TRPM3: variants seen among roughly 807,000 people sequenced by gnomAD.
TRPM3 encodes long transient receptor potential channel 3.
TRPM3 carries 77 observed loss-of-function variants against 181.2 expected under a neutral mutation model. The ratio of observed to expected loss-of-function variants is 0.42; its 90% CI spans 0.35 to 0.51. The LOEUF is 0.51. Among genes scored for constraint, TRPM3 ranks in the 20% least tolerant of loss-of-function variants. TRPM3 has a pLI of 0.01. For synonymous variants in TRPM3, 745 were observed against 796.4 expected (o/e 0.94, Z 1.09); for missense variants, 1,759 against 2,196.7 (o/e 0.80, Z 3.98).
chr9:71,092,228 A>G (rs1273067399), intron 1 of TRPM3, among the ~76,000 whole-genome samples: 1 of 152,174 alleles, frequency 6.6e-6, no homozygotes, highest in East Asian at 1.9e-4. Flanking sequence ...TGGCTGTAAA[A>G]TGGGAGCACC....
At chr9:70,688,338 G>T (rs192434849) in intron 8 of TRPM3, among the ~76,000 whole-genome samples, 11 of 152,096 alleles carry the variant, frequency 7.2e-5, no homozygotes, top group African/African-American at 1.2e-4. Flanking sequence ...AGTACAGGTG[G>T]CCTTTGGTTA....
intron 1 of TRPM3, among the ~76,000 whole-genome samples, chr9:71,425,111 CT>C (rs757646903): frequency 6.6e-4 from 93 of 141,116 alleles, no homozygotes; most frequent in Non-Finnish European, 9.4e-4. Flanking sequence ...TCTGGTTTTT[CT>C]TTTTCTATTT....
At chr9:70,551,346 C>T (rs1253971315) in intron 24 of TRPM3, among the ~76,000 whole-genome samples, 4 of 152,198 alleles carry the variant, frequency 2.6e-5, no homozygotes, top group Non-Finnish European at 5.9e-5. Flanking sequence ...GCACTAAAAT[C>T]TTTCTTCTCT....
chr9:70,630,248 G>C (rs2065558779), intron 12 of TRPM3, among the ~76,000 whole-genome samples: 1 of 152,198 alleles, frequency 6.6e-6, no homozygotes, highest in Non-Finnish European at 1.5e-5. Flanking sequence ...TGTGAAAATA[G>C]GTGGCTTGGA....
At chr9:71,312,290 A>C (rs1331594147) in intron 1 of TRPM3, among the ~76,000 whole-genome samples, 2 of 152,174 alleles carry the variant, frequency 1.3e-5, no homozygotes, top group African/African-American at 4.8e-5. Context: ...ATGACAAACA[A>C]GCGTAAAGAT....
At position 70,878,057 on chromosome 9, in the gene TRPM3, G is replaced by A. The variant is rs560088691; in HGVS notation, c.178-13546C>T. Among the ~76,000 whole-genome samples, 20 of 151,988 alleles carry A rather than the reference G, an allele frequency of 1.3e-4. No homozygotes were observed. In the South Asian group the frequency reaches 2.3e-3, roughly 17 times the overall value. ...ACATTAAATACTGACTTGACTTGAG[G>A]CCACAATGTGTATATATCTTATCAC... is the stretch of plus-strand genomic sequence containing the variant. On this transcript the variant is annotated intron_variant, in intron 1 of 25. Transcript: ENST00000677713.
At chr9:70,883,137 C>G (rs970383162) in intron 1 of TRPM3, among the ~76,000 whole-genome samples, 2 of 152,188 alleles carry the variant, frequency 1.3e-5, no homozygotes, top group African/African-American at 4.8e-5. Flanking sequence ...CAGTACCTCT[C>G]TGACCACACG....
At chr9:71,438,351 T>C (rs1226210800) in intron 1 of TRPM3, among the ~76,000 whole-genome samples, 1 of 152,176 alleles carries the variant, frequency 6.6e-6, no homozygotes, top group African/African-American at 2.4e-5. Context: ...TTTTAAAATT[T>C]GATAATAGTG....
rs191579033 is a variant in TRPM3, at chr9:71,411,400, C to G, written c.183+35253G>C. ...TCCTTAAGCTGATAAGCAACTTCAG[C>G]AAAGTCTCAGGATACAAAATCAATG... On this transcript the variant is annotated intron_variant, in intron 1 of 24. Coordinates refer to the TRPM3 transcript ENST00000357533. Among the ~76,000 whole-genome samples the G allele has an allele frequency of 1.6e-4, 24 of 152,338 alleles. 1 individual carries two copies. In the East Asian group the frequency reaches 4.6e-3, roughly 29 times the overall value.
intron 9 of TRPM3, among the ~76,000 whole-genome samples, chr9:70,657,862 T>A (rs552816467): frequency 9.8e-4 from 149 of 152,196 alleles, no homozygotes; most frequent in African/African-American, 3.5e-3. Context: ...AGCTATTCAA[T>A]CCTCAAGGCC....
chr9:71,185,296 C>A (rs1439813885), intron 1 of TRPM3, among the ~76,000 whole-genome samples: 1 of 152,146 alleles, frequency 6.6e-6, no homozygotes, highest in Non-Finnish European at 1.5e-5. Flanking sequence ...CATTTCCACA[C>A]TTTTCTTCCC....
chr9:70,561,062 C>T (rs2048938373), intron 22 of TRPM3, among the ~76,000 whole-genome samples: 1 of 152,198 alleles, frequency 6.6e-6, no homozygotes, highest in African/African-American at 2.4e-5. Flanking sequence ...ATGCCCCTTC[C>T]TCTCCTGTCT....
chr9:71,432,582 A>G lies in TRPM3; in HGVS notation c.183+14071T>C, dbSNP rs116608441. Among the ~76,000 whole-genome samples, 960 of 152,256 alleles carry G rather than the reference A, an allele frequency of 6.3e-3. 13 individuals carry two copies. Among genetic ancestry groups the G allele is most frequent in the African/African-American group, 0.022 (917 of 41,560 alleles). Reference sequence around the variant, plus strand: ...TTGAATCATTATTGTTTATCTTTTAAGGAAAATTTAATTTCATTTAGTGTG... The same window carrying G: ...TTGAATCATTATTGTTTATCTTTTAGGGAAAATTTAATTTCATTTAGTGTG... On this transcript the variant is annotated intron_variant, in intron 1 of 24. Coordinates refer to the TRPM3 transcript ENST00000357533.
rs1422096593 is a variant in TRPM3 at position 70,535,291 on chromosome 9, A to C, written c.*662T>G. Reference sequence around the variant, plus strand: ...TTATTTTCTTCAAAAAAGGATAAACAGTTGTGGCACCAGAAGTGAATAGAT... The same window carrying C: ...TTATTTTCTTCAAAAAAGGATAAACCGTTGTGGCACCAGAAGTGAATAGAT... On this transcript the variant is annotated 3_prime_UTR_variant, in exon 26 of 26. Transcript: ENST00000677713. 1.1e-6 allele frequency: 1 copy of C among 908,978 alleles called. No homozygotes were observed. Among genetic ancestry groups the C allele is most frequent in the Non-Finnish European group, 1.7e-6 (1 of 604,094 alleles). The allele number at this position is 908,978 out of a possible 1,614,324, so 56.3% of individuals were successfully genotyped here. A position where few individuals can be genotyped will look rare whatever the true frequency, so the allele number is the denominator to read the frequency against.
At chr9:71,130,089 AT>A (rs2074278493) in intron 1 of TRPM3, among the ~76,000 whole-genome samples, 1 of 152,210 alleles carries the variant, frequency 6.6e-6, no homozygotes, top group South Asian at 2.1e-4. Context: ...TATCAGTATT[AT>A]CCAACTTTGA....
intron 1 of TRPM3, among the ~76,000 whole-genome samples, chr9:71,337,939 G>T (rs544507524): frequency 1.3e-5 from 2 of 152,174 alleles, no homozygotes; most frequent in East Asian, 3.9e-4. Flanking sequence ...TTGCAGGGTG[G>T]GGGGCCAGGG....
chr9:71,338,329 G>A (rs2090716267), intron 1 of TRPM3, among the ~76,000 whole-genome samples: 1 of 152,168 alleles, frequency 6.6e-6, no homozygotes. Flanking sequence ...TTAATCGCCT[G>A]CTGGAATAAC....
intron 3 of TRPM3, among the ~76,000 whole-genome samples, chr9:70,847,809 T>C (rs911309488): frequency 3.9e-5 from 6 of 152,148 alleles, no homozygotes; most frequent in Non-Finnish European, 8.8e-5. Context: ...ATTCACACTA[T>C]CAGTGTGGTT....
rs1314008436 is a variant in TRPM3 at position 71,060,941 on chromosome 9, T to A, written c.177+60237A>T. ...TGTGTGCCTTCATTAATTGCAATTG[T>A]CATCAATGCTGAGGAGGAGAAAAGC... On this transcript the variant is annotated intron_variant, in intron 1 of 25. Coordinates refer to ENST00000677713, the MANE Select transcript of TRPM3 (RefSeq NM_001366145.2). Among the ~76,000 whole-genome samples the A allele has an allele frequency of 2.6e-5, 4 of 152,074 alleles. No homozygotes were observed. In the East Asian group the frequency reaches 7.7e-4, roughly 29 times the overall value.
Sources: allele counts gnomAD v4.1 joint callset (sites outside exome capture counted in the v4.1 genomes callset), GRCh38; gene constraint gnomAD v4.1.1; transcripts MANE v1.5; gene names NCBI Gene and HGNC (gene_info 2026-07-23, HGNC 2026-07-21).